STK33: variants seen among roughly 807,000 people sequenced by gnomAD.
STK33 encodes the protein serine/threonine-protein kinase 33.
A neutral mutation model predicts 58.0 loss-of-function variants in STK33; 52 were observed. The observed-to-expected ratio is 0.90, with a 90% CI of 0.72 to 1.13. STK33 has a LOEUF of 1.13. Ranked by LOEUF, STK33 falls within the 50% of genes most tolerant of loss-of-function variation. STK33 has a pLI of 0.00. For synonymous variants in STK33, 215 were observed against 200.1 expected (o/e 1.07, Z -0.63); for missense variants, 630 against 604.2 (o/e 1.04, Z -0.45).
chr11:8,397,206 AC>A (rs1348164208), intron 15 of STK33, among the ~76,000 whole-genome samples: 1 of 152,104 alleles, frequency 6.6e-6, no homozygotes, highest in African/African-American at 2.4e-5. Flanking sequence ...ACTGGGAGGC[AC>A]CCCCAAGTAG....
intron 6 of STK33, among the ~76,000 whole-genome samples, chr11:8,468,508 A>G (rs1948448483): frequency 6.6e-6 from 1 of 152,124 alleles, no homozygotes; most frequent in Non-Finnish European, 1.5e-5. Context: ...TGTTTAACAC[A>G]ATTGTGTCTG....
chr11:8,464,764 G>A lies in STK33; in HGVS notation c.398C>T (p.Ala133Val), dbSNP rs55931211. The A allele has an allele frequency of 7.4e-6, 12 of 1,612,458 alleles. No individual in the cohort carries two copies. Among genetic ancestry groups the A allele is most frequent in the East Asian group, 4.5e-5 (2 of 44,846 alleles). Residue 133 changes from alanine to valine, a missense_variant, in exon 7 of 16, where the codon GCG becomes GTG. Ala to Val is a moderately conservative substitution (Grantham distance 64, BLOSUM62 0). Coordinates refer to ENST00000687296, the MANE Select transcript of STK33 (RefSeq NM_001352389.2). ...CTTCGTTTCTGTTTCCTTGTCTGTCGCTTCAATGACTATTCCAAAGCTCCC... is the reference window on the plus strand; with the variant it reads ...CTTCGTTTCTGTTTCCTTGTCTGTCACTTCAATGACTATTCCAAAGCTCCC... ...GKGSFGIVIE[A>V]TDKETETKWA...
chr11:8,515,373 G>A lies in STK33; in HGVS notation c.-465-34759C>T, dbSNP rs190727105. Among the ~76,000 whole-genome samples, 10 of 152,122 alleles carry A rather than the reference G, an allele frequency of 6.6e-5. No individual in the cohort carries two copies. In the East Asian group the frequency reaches 1.9e-3, roughly 29 times the overall value. On this transcript the variant is annotated intron_variant, in intron 1 of 15. Coordinates refer to ENST00000687296, the MANE Select transcript of STK33 (RefSeq NM_001352389.2). The stretch of plus-strand genomic sequence containing the variant: ...CCAAGATAAATTCAAGAAACAGAAA[G>A]TCTAAACAGATCTATAACTAGTATG...
chr11:8,444,784 A>C (rs867679653), intron 11 of STK33, among the ~76,000 whole-genome samples: 1 of 152,298 alleles, frequency 6.6e-6, no homozygotes. Flanking sequence ...AAAAAATAAT[A>C]GAAACTTTAT....
At chr11:8,478,384 G>A (rs1342868420) in intron 2 of STK33, among the ~76,000 whole-genome samples, 1 of 152,070 alleles carries the variant, frequency 6.6e-6, no homozygotes, top group Non-Finnish European at 1.5e-5. Flanking sequence ...ATAGGTACTG[G>A]ACATAATATA....
chr11:8,339,828 G>T, the STK33 span, among the ~76,000 whole-genome samples: 7 of 152,204 alleles, frequency 4.6e-5, no homozygotes, highest in Admixed American at 6.5e-5. Flanking sequence ...CCTCTTCCCG[G>T]GTCTCCTTTC....
chr11:8,375,737 C>A, the STK33 span, among the ~76,000 whole-genome samples: 1 of 152,060 alleles, frequency 6.6e-6, no homozygotes, highest in South Asian at 2.1e-4. Flanking sequence ...GGCTCTTACC[C>A]CTTCACTTGG....
intron 11 of STK33, among the ~76,000 whole-genome samples, chr11:8,449,526 G>A (rs1387372430): frequency 2.0e-5 from 3 of 150,428 alleles, no homozygotes; most frequent in South Asian, 2.1e-4. Context: ...GCAAACTATC[G>A]CAAGGACAAA....
chr11:8,510,077 T>C (rs1244856502), intron 1 of STK33, among the ~76,000 whole-genome samples: 2 of 152,120 alleles, frequency 1.3e-5, no homozygotes, highest in Non-Finnish European at 2.9e-5. Flanking sequence ...AAGAAATCTC[T>C]ATCTTGTTTT....
At chr11:8,557,257 AAGGGGAGGGGAGGGG>A (rs1179988708) in intron 1 of STK33, among the ~76,000 whole-genome samples, 4 of 17,950 alleles carry the variant, frequency 2.2e-4, no homozygotes, top group Admixed American at 1.4e-3. Context: ...TGGGGAAGGG[AAGGGGAGGGGAGGGG>A]AGGGGAGGGG....
intron 1 of STK33, among the ~76,000 whole-genome samples, chr11:8,542,217 G>A (rs1290899992): frequency 6.6e-6 from 1 of 151,890 alleles, no homozygotes; most frequent in East Asian, 1.9e-4. Context: ...AAAATATAAG[G>A]GTTTTATTTC....
chr11:8,490,656 C>T (rs1049507849), intron 1 of STK33, among the ~76,000 whole-genome samples: 19 of 152,118 alleles, frequency 1.2e-4, no homozygotes, highest in African/African-American at 4.3e-4. Flanking sequence ...ACTGGAGACA[C>T]CTTCCAGTAG....
At chr11:8,522,994 G>C (rs770215052) in intron 1 of STK33, among the ~76,000 whole-genome samples, 5 of 152,196 alleles carry the variant, frequency 3.3e-5, no homozygotes, top group Admixed American at 2.6e-4. Context: ...GGGTTTCGCC[G>C]TGTTGGCCGG....
the STK33 span, among the ~76,000 whole-genome samples, chr11:8,349,085 G>A: frequency 6.6e-6 from 1 of 152,048 alleles, no homozygotes; most frequent in African/African-American, 2.4e-5. Flanking sequence ...GCCTCCCACC[G>A]CCAGCTCCCT....
At chr11:8,406,491 T>G (rs533583159) in intron 15 of STK33, among the ~76,000 whole-genome samples, 12 of 152,330 alleles carry the variant, frequency 7.9e-5, no homozygotes, top group African/African-American at 2.9e-4. Flanking sequence ...TACCAAATAT[T>G]CTAAACCATA....
At chr11:8,335,910 C>T in the STK33 span, among the ~76,000 whole-genome samples, 1 of 152,320 alleles carries the variant, frequency 6.6e-6, no homozygotes, top group African/African-American at 2.4e-5. Context: ...CACGGCTACA[C>T]GCGGCTATTG....
chr11:8,415,191 T>A (rs2135709313), intron 14 of STK33, among the ~76,000 whole-genome samples: 2 of 152,198 alleles, frequency 1.3e-5, no homozygotes, highest in South Asian at 4.1e-4. Flanking sequence ...CTTGATTCTT[T>A]CACTAGCAGA....
At chr11:8,348,277 T>C in the STK33 span, among the ~76,000 whole-genome samples, 1 of 152,190 alleles carries the variant, frequency 6.6e-6, no homozygotes, top group African/African-American at 2.4e-5. Context: ...GGGTAATTTA[T>C]AAAGGAAAGA....
At chr11:8,538,728 G>C (rs574169426) in intron 1 of STK33, among the ~76,000 whole-genome samples, 1 of 152,176 alleles carries the variant, frequency 6.6e-6, no homozygotes, top group Non-Finnish European at 1.5e-5. Context: ...AGTGCTCAAC[G>C]AATGCTTGTT....
Sources: allele counts gnomAD v4.1 joint callset (sites outside exome capture counted in the v4.1 genomes callset), GRCh38; gene constraint gnomAD v4.1.1; transcripts MANE v1.5; gene names NCBI Gene and HGNC (gene_info 2026-07-23, HGNC 2026-07-21).